CRAMP1: variants seen among roughly 807,000 people sequenced by gnomAD.
CRAMP1 encodes protein cramped-like.
CRAMP1 carries 50 observed loss-of-function variants against 115.4 expected under a neutral mutation model. The ratio of observed to expected loss-of-function variants is 0.43; its 90% CI spans 0.35 to 0.55. The LOEUF is 0.55. Among genes scored for constraint, CRAMP1 ranks in the 20% least tolerant of loss-of-function variants. The pLI, the probability that CRAMP1 is intolerant of heterozygous loss-of-function variation, is 0.01. For missense variants in CRAMP1, 1,679 were observed against 1,721.7 expected (o/e 0.98, Z 0.44); for synonymous variants, 866 against 745.4 (o/e 1.16, Z -2.64).
chr16:1,659,998 C>T lies in CRAMP1; in HGVS notation c.2348C>T (p.Pro783Leu), dbSNP rs536165085. ...VTVSSRSPRC[P>L]RNQASLRSSK... ...GTCAGCTCTCGCAGCCCCCGCTGCC[C>T]TCGGAACCAGGCCTCCCTCCGCAGC... The change falls in exon 11 of 21, where the codon CCT becomes CTT. Residue 783 changes from proline (P) to leucine (L), a missense_variant. This residue lies in a region of CRAMP1 where 709 missense variants were observed against 741.9 expected (regional missense o/e 0.96). Transcript: ENST00000397412. 1.2e-5 allele frequency: 19 copies of T among 1,605,082 alleles called. No homozygotes were observed. The South Asian group carries it at 1.5e-4, about 13-fold the overall frequency.
At chr16:1,661,270 C>A (rs903969119) in intron 11 of CRAMP1, among the ~76,000 whole-genome samples, 4 of 152,172 alleles carry the variant, frequency 2.6e-5, no homozygotes, top group African/African-American at 9.7e-5. Flanking sequence ...CGCACTGAGC[C>A]GTGATTGTGC....
chr16:1,654,906 G>A (rs892996647), intron 8 of CRAMP1, among the ~76,000 whole-genome samples: 1 of 152,262 alleles, frequency 6.6e-6, no homozygotes, highest in African/African-American at 2.4e-5. Context: ...GCCAGAAGGA[G>A]CTGGTAGACT....
rs1208192748 is a variant in CRAMP1 at position 1,671,767 on chromosome 16, G to A, written c.3645+958G>A. On this transcript the variant is annotated intron_variant, in intron 20 of 20. Coordinates refer to ENST00000397412, the MANE Select transcript of CRAMP1 (RefSeq NM_020825.4). The surrounding 1 kb of genome is among the most constrained non-coding windows in gnomAD (Gnocchi z 5.0). ...AAAGCTCAAAACAGCTGTTTCTCAC[G>A]GACACCTCCGCTACCCAGTATCCGA... is the stretch of plus-strand genomic sequence containing the variant. Among the ~76,000 whole-genome samples the A allele has an allele frequency of 2.0e-5, 3 of 152,172 alleles. No individual in the cohort carries two copies. The highest frequency in any genetic ancestry group is 1.9e-4 in the East Asian group (1 of 5,196).
In CRAMP1 at chr16:1,667,994, C is replaced by A; in HGVS notation, c.3135C>A (p.Pro1045=). 1 of 1,613,102 alleles carries A rather than the reference C, an allele frequency of 6.2e-7. No homozygotes were observed. The highest frequency in any genetic ancestry group is 1.3e-5 in the African/African-American group (1 of 75,000). The change falls in exon 18 of 21, where the codon CCC becomes CCA. Residue 1045 remains proline, a synonymous_variant. Coordinates refer to ENST00000397412, the MANE Select transcript of CRAMP1 (RefSeq NM_020825.4). ...GSSVLSLSEL[P]KAPLQNGLSI... ...CTGTTCTCTCCTTATCTGAGCTGCC[C>A]AAGGCCCCTCTCCAGAATGGCCTCT... is the stretch of plus-strand genomic sequence containing the variant.
intron 3 of CRAMP1, among the ~76,000 whole-genome samples, 153 bp downstream of exon 3, chr16:1,626,319 T>C (rs1351201944): frequency 6.6e-6 from 1 of 151,382 alleles, no homozygotes; most frequent in Admixed American, 6.6e-5. Flanking sequence ...GGCTCTAGCC[T>C]TGCCCACTGA....
chr16:1,666,489 C>T lies in CRAMP1; in HGVS notation c.2925C>T (p.Thr975=), dbSNP rs201449933. Residue 975 remains threonine (T), a synonymous_variant, in exon 16 of 21, where the codon ACC becomes ACT. Transcript: ENST00000397412. The surrounding 1 kb of genome is among the most constrained non-coding windows in gnomAD (Gnocchi z 5.0). The stretch of plus-strand genomic sequence containing the variant: ...GGAACCCCCTCCCTGCCTTGGACAC[C>T]GAGGGCTTGTCTGGCATCTCTCCAC... The part of the protein sequence containing the change: ...LSGNPLPALD[T]EGLSGISPLS... 1.1e-4 allele frequency: 175 copies of T among 1,613,854 alleles called. No individual in the cohort carries two copies. The Middle Eastern group carries it at 1.8e-3, about 17-fold the overall frequency.
chr16:1,613,172 G>C (rs1184814292), intron 1 of CRAMP1, among the ~76,000 whole-genome samples: 1 of 152,172 alleles, frequency 6.6e-6, no homozygotes, highest in Non-Finnish European at 1.5e-5. Context: ...AGGGGGAAGA[G>C]TGGGAAGTCT....
intron 6 of CRAMP1, among the ~76,000 whole-genome samples, chr16:1,642,966 T>TA (rs1166758663): frequency 1.3e-5 from 2 of 151,984 alleles, no homozygotes; most frequent in Non-Finnish European, 2.9e-5. Flanking sequence ...ATGTAAGAAA[T>TA]AGATTCCTTC....
intron 18 of CRAMP1, among the ~76,000 whole-genome samples, chr16:1,668,597 G>T (rs2036895832): frequency 6.6e-6 from 1 of 152,238 alleles, no homozygotes; most frequent in Non-Finnish European, 1.5e-5. Flanking sequence ...TGGGGGCAGT[G>T]GTTTGTTGTT....
At chr16:1,633,895 G>A (rs1008857899) in intron 4 of CRAMP1, among the ~76,000 whole-genome samples, 1 of 151,970 alleles carries the variant, frequency 6.6e-6, no homozygotes, top group African/African-American at 2.4e-5. Context: ...TGGTGAAACC[G>A]CATCTCTACT....
Position 1,665,117 on chromosome 16 carries a change from C to G in CRAMP1, c.2731C>G (p.Leu911Val), listed in dbSNP as rs377270440. The G allele has an allele frequency of 6.2e-7, 1 of 1,612,016 alleles. No individual in the cohort carries two copies. Among genetic ancestry groups the G allele is most frequent in the Non-Finnish European group, 8.5e-7 (1 of 1,178,066 alleles). ...CCACAACGTTTGTTCCTTCTCCATCCTGTCTAACTCTTCCGTAACTGGTAA... is the reference window on the plus strand; with the variant it reads ...CCACAACGTTTGTTCCTTCTCCATCGTGTCTAACTCTTCCGTAACTGGTAA... Reference protein sequence around the residue: ...QSHNVCSFSILSNSSVTGRGS... With the variant: ...QSHNVCSFSIVSNSSVTGRGS... The change falls in exon 14 of 21, where the codon CTG (leucine) becomes GTG (valine). Residue 911 changes from leucine to valine, a missense_variant. This residue lies in a region of CRAMP1 where 709 missense variants were observed against 741.9 expected (regional missense o/e 0.96). Coordinates refer to ENST00000397412, the MANE Select transcript of CRAMP1 (RefSeq NM_020825.4).
At chr16:1,662,387 C>T in intron 11 of CRAMP1, 103 bp from the exon 12 acceptor site, 1 of 939,060 alleles carries the variant, frequency 1.1e-6, no homozygotes, top group Non-Finnish European at 1.7e-6. Context: ...GAACGGGTTG[C>T]CAAGAGAATG....
At chr16:1,667,435 C>G in intron 17 of CRAMP1, 35 bp downstream of exon 17, 1 of 1,571,872 alleles carries the variant, frequency 6.4e-7, no homozygotes, top group Non-Finnish European at 8.7e-7. Context: ...AGCAAAGCAG[C>G]TGCCCCAGGA....
At position 1,666,514 on chromosome 16, in the gene CRAMP1, C is replaced by G. The variant is rs779232207; in HGVS notation, c.2950C>G (p.Leu984Val). The G allele has an allele frequency of 6.2e-7, 1 of 1,613,998 alleles. No homozygotes were observed. Among genetic ancestry groups the G allele is most frequent in the Non-Finnish European group, 8.5e-7 (1 of 1,179,870 alleles). ...CGAGGGCTTGTCTGGCATCTCTCCA[C>G]TGTCTTCAGACGAGGTGACGGGTGC... ...DTEGLSGISP[L>V]SSDEVTGAIS... The change falls in exon 16 of 21, where the codon CTG (leucine) becomes GTG (valine). Residue 984 changes from leucine (L) to valine (V), a missense_variant. This residue lies in a region of CRAMP1 where 709 missense variants were observed against 741.9 expected (regional missense o/e 0.96). Transcript: ENST00000397412. The surrounding 1 kb of genome is among the most constrained non-coding windows in gnomAD (Gnocchi z 5.0).
At chr16:1,637,446 G>C (rs1418514767) in intron 4 of CRAMP1, among the ~76,000 whole-genome samples, 3 of 152,218 alleles carry the variant, frequency 2.0e-5, no homozygotes, top group Admixed American at 6.5e-5. Flanking sequence ...AGGCAGGAAG[G>C]CAGCATCCAG....
At chr16:1,639,680 A>G (rs2036615926) in intron 5 of CRAMP1, among the ~76,000 whole-genome samples, 1 of 152,158 alleles carries the variant, frequency 6.6e-6, no homozygotes, top group Non-Finnish European at 1.5e-5. Flanking sequence ...TTGTACTCCT[A>G]TGTAAATGTC....
At position 1,674,630 on chromosome 16, in the gene CRAMP1, G is replaced by A; in HGVS notation, c.*585G>A. ...TCACAGGGCTGCTGCGGAGTCGTGGGGCCCTGGGCTGGTGCCTCCCCTCCC... is the reference window on the plus strand; with the variant it reads ...TCACAGGGCTGCTGCGGAGTCGTGGAGCCCTGGGCTGGTGCCTCCCCTCCC... On this transcript the variant is annotated 3_prime_UTR_variant, in exon 21 of 21. Transcript: ENST00000397412. The A allele has an allele frequency of 6.5e-6, 1 of 153,942 alleles. No individual in the cohort carries two copies. The highest frequency in any genetic ancestry group is 1.4e-5 in the Non-Finnish European group (1 of 69,158). 9.5% of individuals were successfully genotyped at this position (153,942 alleles called of 1,614,324 possible).
chr16:1,616,256 A>G (rs2036418121), intron 2 of CRAMP1, among the ~76,000 whole-genome samples: 2 of 152,224 alleles, frequency 1.3e-5, no homozygotes, highest in South Asian at 4.1e-4. Flanking sequence ...GTCTAAGCTC[A>G]TATAAGCTCC....
chr16:1,661,294 C>T (rs1014193560), intron 11 of CRAMP1, among the ~76,000 whole-genome samples: 13 of 152,146 alleles, frequency 8.5e-5, no homozygotes, highest in Admixed American at 3.3e-4. Context: ...TGCACTCCAG[C>T]CTGGGTGACA....
Sources: gnomAD v4.1 joint callset for allele counts (sites outside exome capture counted in the v4.1 genomes callset) on GRCh38, gnomAD v4.1.1 for gene constraint, gnomAD v4.1.1 regional missense constraint, Gnocchi (gnomAD v3.1) non-coding constraint, MANE v1.5 for transcripts, NCBI Gene and HGNC (gene_info 2026-07-23, HGNC 2026-07-21) for gene names.